Variants in DNAJC1 observed in about 807,000 individuals in gnomAD.
DNAJC1 encodes the protein DnaJ heat shock protein family (Hsp40) member C1.
In DNAJC1, 58 loss-of-function variants were observed where a neutral mutation model predicts 76.6. That is an observed-to-expected ratio of 0.76 (90% CI 0.61 to 0.94). The LOEUF (loss-of-function observed/expected upper bound fraction) is 0.94, where lower values mean the gene tolerates loss of function less well. DNAJC1 is among the 40% of genes least tolerant of loss of function. The pLI is 0.00. For missense variants in DNAJC1, 689 were observed against 677.3 expected (o/e 1.02, Z -0.19); for synonymous variants, 258 against 267.9 (o/e 0.96, Z 0.36).
intron 8 of DNAJC1, among the ~76,000 whole-genome samples, chr10:21,870,189 G>GA (rs753110789): frequency 2.6e-5 from 4 of 151,984 alleles, no homozygotes; most frequent in Non-Finnish European, 2.9e-5. Context: ...AAACAAAGGT[G>GA]AAAAATCACA....
chr10:21,914,822 G>A (rs1836924999), intron 6 of DNAJC1, among the ~76,000 whole-genome samples: 2 of 152,186 alleles, frequency 1.3e-5, no homozygotes. Flanking sequence ...TAACTGTTAA[G>A]TGTCTATTCA....
chr10:21,767,949 T>G (rs1834320756), intron 9 of DNAJC1, among the ~76,000 whole-genome samples: 1 of 151,942 alleles, frequency 6.6e-6, no homozygotes, highest in Admixed American at 6.6e-5. Context: ...GAGCTGAGAT[T>G]ACGTCACTGC....
intron 7 of DNAJC1, among the ~76,000 whole-genome samples, chr10:21,900,588 T>C (rs1310559695): frequency 6.6e-6 from 1 of 152,182 alleles, no homozygotes; most frequent in Non-Finnish European, 1.5e-5. Flanking sequence ...TCCTAGGATA[T>C]TATACTGTAC....
chr10:21,847,174 G>A (rs773016150), intron 8 of DNAJC1, among the ~76,000 whole-genome samples: 1 of 152,208 alleles, frequency 6.6e-6, no homozygotes, highest in South Asian at 2.1e-4. Context: ...TTCATAGTGT[G>A]TTATAAGCAT....
chr10:21,812,013 A>T (rs1258113585), intron 8 of DNAJC1, among the ~76,000 whole-genome samples: 1 of 152,118 alleles, frequency 6.6e-6, no homozygotes, highest in Non-Finnish European at 1.5e-5. Flanking sequence ...GTGGGACTGA[A>T]ATATATCTTA....
chr10:21,802,512 C>G (rs1395513010), intron 9 of DNAJC1, among the ~76,000 whole-genome samples: 1 of 152,112 alleles, frequency 6.6e-6, no homozygotes, highest in Non-Finnish European at 1.5e-5. Flanking sequence ...GATTTTCCTT[C>G]CTCCTCTTCA....
chr10:21,877,127 A>T (rs1195031313), intron 8 of DNAJC1, among the ~76,000 whole-genome samples: 1 of 152,026 alleles, frequency 6.6e-6, no homozygotes, highest in African/African-American at 2.4e-5. Flanking sequence ...TTTAAAAATT[A>T]GCCGGGTGTG....
At chr10:21,801,110 C>G (rs1448332973) in intron 9 of DNAJC1, among the ~76,000 whole-genome samples, 1 of 151,954 alleles carries the variant, frequency 6.6e-6, no homozygotes, top group Non-Finnish European at 1.5e-5. Context: ...TTCACTGTGT[C>G]ATTATGAAAA....
chr10:21,892,570 C>T (rs1228776856), intron 7 of DNAJC1, among the ~76,000 whole-genome samples: 1 of 151,894 alleles, frequency 6.6e-6, no homozygotes, highest in Non-Finnish European at 1.5e-5. Flanking sequence ...TTAATACACA[C>T]ACACAAACAT....
At chr10:21,959,737 G>A (rs1054655898) in intron 1 of DNAJC1, among the ~76,000 whole-genome samples, 1 of 148,520 alleles carries the variant, frequency 6.7e-6, no homozygotes, top group South Asian at 2.1e-4. Context: ...AGTGAGCCGG[G>A]ATAGTGCCGC....
At chr10:21,980,981 G>C (rs1387721751) in intron 1 of DNAJC1, among the ~76,000 whole-genome samples, 1 of 151,966 alleles carries the variant, frequency 6.6e-6, no homozygotes, top group Non-Finnish European at 1.5e-5. Context: ...GGTACCAGGA[G>C]TGTTTATAAT....
At chr10:21,872,758 A>G (rs932766451) in intron 8 of DNAJC1, among the ~76,000 whole-genome samples, 8 of 152,232 alleles carry the variant, frequency 5.3e-5, no homozygotes, top group African/African-American at 1.9e-4. Context: ...AGAGCAGGTA[A>G]GAAATATTTT....
At chr10:21,765,101 A>G (rs1001714224) in intron 10 of DNAJC1, among the ~76,000 whole-genome samples, 5 of 152,186 alleles carry the variant, frequency 3.3e-5, no homozygotes, top group African/African-American at 4.8e-5. Context: ...CTTCTGTCAT[A>G]TAACATCCCA....
chr10:21,870,254 T>C (rs1836081214), intron 8 of DNAJC1, among the ~76,000 whole-genome samples: 1 of 152,084 alleles, frequency 6.6e-6, no homozygotes, highest in Non-Finnish European at 1.5e-5. Flanking sequence ...ACAATATTCA[T>C]TTGTAATAAA....
intron 6 of DNAJC1, among the ~76,000 whole-genome samples, chr10:21,915,861 A>C (rs1045185480): frequency 6.6e-6 from 1 of 150,752 alleles, no homozygotes; most frequent in African/African-American, 2.4e-5. Flanking sequence ...AAAAAAAAAA[A>C]GTCTGGCTTG....
intron 8 of DNAJC1, among the ~76,000 whole-genome samples, chr10:21,878,137 T>C (rs1836217338): frequency 6.6e-6 from 1 of 152,174 alleles, no homozygotes; most frequent in Admixed American, 6.5e-5. Context: ...AGAACACTCC[T>C]AGCATCACTA....
At chr10:21,864,130 C>A (rs1035593637) in intron 8 of DNAJC1, among the ~76,000 whole-genome samples, 5 of 152,114 alleles carry the variant, frequency 3.3e-5, no homozygotes, top group Non-Finnish European at 5.9e-5. Flanking sequence ...TTACTTAAGG[C>A]GGCAGGATCA....
intron 8 of DNAJC1, among the ~76,000 whole-genome samples, chr10:21,834,641 C>T (rs557498350): frequency 1.1e-4 from 16 of 152,286 alleles, no homozygotes; most frequent in East Asian, 9.7e-4. Flanking sequence ...ACTTTTCCAA[C>T]GGACTTAAAA....
intron 7 of DNAJC1, among the ~76,000 whole-genome samples, chr10:21,885,166 A>G (rs1590032363): frequency 6.6e-6 from 1 of 152,186 alleles, no homozygotes; most frequent in African/African-American, 2.4e-5. Flanking sequence ...AAAGAAATGA[A>G]GGGAAAACTA....
Sources: gnomAD v4.1 joint callset for allele counts (sites outside exome capture counted in the v4.1 genomes callset) on GRCh38, gnomAD v4.1.1 for gene constraint, MANE v1.5 for transcripts, NCBI Gene and HGNC (gene_info 2026-07-23, HGNC 2026-07-21) for gene names.